IMMP2L: variants seen among roughly 807,000 people sequenced by gnomAD.
IMMP2L encodes the protein inner mitochondrial membrane peptidase subunit 2.
Under a neutral mutation model 19.3 loss-of-function variants are expected in IMMP2L, and 18 were observed. That is an observed-to-expected ratio of 0.93 (90% CI 0.64 to 1.38). The LOEUF is 1.38. IMMP2L is among the 40% of genes most tolerant of loss of function. The pLI, the probability that IMMP2L is intolerant of heterozygous loss-of-function variation, is 0.00. For synonymous variants in IMMP2L, 76 were observed against 73.0 expected (o/e 1.04, Z -0.21); for missense variants, 233 against 218.2 (o/e 1.07, Z -0.43).
intron 1 of IMMP2L, among the ~76,000 whole-genome samples, chr7:111,524,127 G>T (rs1254526756): frequency 1.3e-5 from 2 of 151,966 alleles, no homozygotes; most frequent in Non-Finnish European, 2.9e-5. Flanking sequence ...CTCAATATTA[G>T]ATTTCATTAG....
Position 111,464,813 on chromosome 7 carries a change from G to A in IMMP2L, c.239+22425C>T, listed in dbSNP as rs117599440. ...ATTTTATTTTATTTTTTCCCGAAAC[G>A]GAGCCTAGCTTGTCACCCAGGCTGG... On this transcript the variant is annotated intron_variant, in intron 3 of 5. Coordinates refer to ENST00000405709, the MANE Select transcript of IMMP2L (RefSeq NM_032549.4). 2.3e-3 allele frequency among the ~76,000 whole-genome samples: 345 copies of A among 151,598 alleles called. 3 individuals are homozygous for A. Among genetic ancestry groups the A allele is most frequent in the Non-Finnish European group, 3.9e-3 (262 of 67,890 alleles).
intron 3 of IMMP2L, among the ~76,000 whole-genome samples, chr7:111,172,722 C>A (rs1331173660): frequency 1.3e-5 from 2 of 151,484 alleles, no homozygotes; most frequent in Non-Finnish European, 3.0e-5. Flanking sequence ...TTAAGCTTTC[C>A]CATATGAGTG....
At chr7:110,990,033 A>T (rs183120338) in intron 3 of IMMP2L, among the ~76,000 whole-genome samples, 1,976 of 152,296 alleles carry the variant, frequency 0.013, 13 homozygotes, top group Non-Finnish European at 0.018. Flanking sequence ...ATAAAAGCCC[A>T]TACATTATTT....
chr7:111,401,343 C>T (rs1024285827), intron 3 of IMMP2L, among the ~76,000 whole-genome samples: 1 of 152,120 alleles, frequency 6.6e-6, no homozygotes, highest in African/African-American at 2.4e-5. Flanking sequence ...AGTCAATTTT[C>T]TGCCTCCAAG....
At chr7:110,889,202 G>C (rs1810532881) in intron 4 of IMMP2L, among the ~76,000 whole-genome samples, 1 of 152,082 alleles carries the variant, frequency 6.6e-6, no homozygotes, top group Non-Finnish European at 1.5e-5. Flanking sequence ...AGGGTGGATG[G>C]GGGAAGGTTT....
chr7:111,120,682 T>C (rs1203463721), intron 3 of IMMP2L, among the ~76,000 whole-genome samples: 1 of 152,172 alleles, frequency 6.6e-6, no homozygotes, highest in African/African-American at 2.4e-5. Context: ...CACAGGTACA[T>C]CTACAGCAAG....
At chr7:111,126,508 T>C (rs945093684) in intron 3 of IMMP2L, among the ~76,000 whole-genome samples, 1 of 152,084 alleles carries the variant, frequency 6.6e-6, no homozygotes, top group Non-Finnish European at 1.5e-5. Context: ...AAAGAAACAA[T>C]TAAGAATTTA....
chr7:110,905,828 C>T (rs1257359544), intron 4 of IMMP2L, among the ~76,000 whole-genome samples: 1 of 152,100 alleles, frequency 6.6e-6, no homozygotes, highest in African/African-American at 2.4e-5. Context: ...ATTTATCATA[C>T]TCTCACTTCT....
At chr7:110,671,861 G>A (rs9656170) in intron 5 of IMMP2L, among the ~76,000 whole-genome samples, 83,218 of 151,894 alleles carry the variant, frequency 0.55, 23,997 homozygotes, top group African/African-American at 0.72. Flanking sequence ...GAACAAGACT[G>A]TTAGCGGGAG....
intron 4 of IMMP2L, among the ~76,000 whole-genome samples, chr7:110,930,488 C>G (rs1815346167): frequency 6.6e-6 from 1 of 152,076 alleles, no homozygotes; most frequent in Non-Finnish European, 1.5e-5. Context: ...TAATTTTTCA[C>G]ACATTTATTA....
In IMMP2L at chr7:110,816,561, C is replaced by T. The variant is rs561233354; in HGVS notation, c.408+70032G>A. 3.4e-3 allele frequency among the ~76,000 whole-genome samples: 509 copies of T among 151,242 alleles called. 2 individuals are homozygous for T. Among genetic ancestry groups the T allele is most frequent in the African/African-American group, 0.011 (460 of 41,216 alleles). Reference sequence around the variant, plus strand: ...TCGTTGATCTGTCTAATGTTGACAGCGGGGTGTTAAAGTCTCCCATTATTA... The same window carrying T: ...TCGTTGATCTGTCTAATGTTGACAGTGGGGTGTTAAAGTCTCCCATTATTA... On this transcript the variant is annotated intron_variant, in intron 5 of 5. Transcript: ENST00000405709.
At chr7:111,407,565 T>C (rs1834006210) in intron 3 of IMMP2L, among the ~76,000 whole-genome samples, 1 of 152,064 alleles carries the variant, frequency 6.6e-6, no homozygotes, top group African/African-American at 2.4e-5. Flanking sequence ...AGACCATTTA[T>C]TGTGTGATTC....
At chr7:111,437,576 A>G (rs1430556825) in intron 3 of IMMP2L, among the ~76,000 whole-genome samples, 1 of 151,974 alleles carries the variant, frequency 6.6e-6, no homozygotes, top group South Asian at 2.1e-4. Flanking sequence ...TATATGTAAA[A>G]TAATTTTAAT....
At chr7:110,704,413 T>A (rs919086034) in intron 5 of IMMP2L, among the ~76,000 whole-genome samples, 1 of 152,232 alleles carries the variant, frequency 6.6e-6, no homozygotes, top group African/African-American at 2.4e-5. Flanking sequence ...TTCCAATGCA[T>A]GATGTAACTA....
chr7:111,515,303 C>G (rs947937279), intron 2 of IMMP2L, among the ~76,000 whole-genome samples: 1 of 152,134 alleles, frequency 6.6e-6, no homozygotes, highest in African/African-American at 2.4e-5. Flanking sequence ...AGGGCTTTCT[C>G]TCTCAGAGCC....
intron 2 of IMMP2L, among the ~76,000 whole-genome samples, chr7:111,502,310 G>C (rs1187240029): frequency 1.3e-5 from 2 of 151,954 alleles, no homozygotes; most frequent in Non-Finnish European, 2.9e-5. Flanking sequence ...GAGCACCCAG[G>C]TTCATAAAGC....
intron 3 of IMMP2L, among the ~76,000 whole-genome samples, chr7:111,356,370 T>C (rs555827822): frequency 3.3e-5 from 5 of 152,292 alleles, no homozygotes; most frequent in South Asian, 4.1e-4. Context: ...ACTATTTATA[T>C]AGTATTTACA....
intron 3 of IMMP2L, chr7:111,394,963 T>A: frequency 4.1e-6 from 1 of 241,224 alleles, no homozygotes; most frequent in Admixed American, 4.1e-5. Context: ...CTTTCTGAAG[T>A]ATTTGAACAC....
chr7:111,002,071 T>C (rs1319081361), intron 3 of IMMP2L, among the ~76,000 whole-genome samples: 2 of 152,008 alleles, frequency 1.3e-5, no homozygotes, highest in Admixed American at 6.6e-5. Flanking sequence ...CTATAGCCTT[T>C]TTCCTCATTT....
Sources: allele counts gnomAD v4.1 joint callset (sites outside exome capture counted in the v4.1 genomes callset), GRCh38; gene constraint gnomAD v4.1.1; transcripts MANE v1.5; gene names NCBI Gene and HGNC (gene_info 2026-07-23, HGNC 2026-07-21).